The following PTPN14 variants were observed in gnomAD, a reference collection of about 807,000 sequenced individuals.
PTPN14 encodes protein tyrosine phosphatase non-receptor type 14, also known as tyrosine-protein phosphatase non-receptor type 14.
Under a neutral mutation model 126.8 loss-of-function variants are expected in PTPN14, and 53 were observed. The ratio of observed to expected loss-of-function variants is 0.42; its 90% CI spans 0.34 to 0.53. The LOEUF is 0.53. Among genes scored for constraint, PTPN14 ranks in the 20% least tolerant of loss-of-function variants. PTPN14 has a pLI of 0.08. For missense variants in PTPN14, 1,257 were observed against 1,552.9 expected (o/e 0.81, Z 3.20); for synonymous variants, 630 against 599.3 (o/e 1.05, Z -0.75).
rs978171951 is a variant in PTPN14 at position 214,427,051 on chromosome 1, C to G, written c.345-12325G>C. Among the ~76,000 whole-genome samples, 3 of 152,124 alleles carry G rather than the reference C, an allele frequency of 2.0e-5. No homozygotes were observed. The East Asian group carries it at 5.8e-4, about 29-fold the overall frequency. On this transcript the variant is annotated intron_variant, in intron 3 of 18. Coordinates refer to ENST00000366956, the MANE Select transcript of PTPN14 (RefSeq NM_005401.5). ...ATCCCAGCACTTTGTGGGGCCGAGGCGGGCGGATCACAAGGTCAGGAGATC... is the reference window on the plus strand; with the variant it reads ...ATCCCAGCACTTTGTGGGGCCGAGGGGGGCGGATCACAAGGTCAGGAGATC...
At chr1:214,430,210 C>T (rs559536964) in intron 3 of PTPN14, among the ~76,000 whole-genome samples, 3 of 152,176 alleles carry the variant, frequency 2.0e-5, no homozygotes, top group Admixed American at 6.5e-5. Context: ...ACTTTCCGCT[C>T]ATCCATCAGT....
rs541406688 is a variant in PTPN14 at position 214,369,403 on chromosome 1, T to C, written c.3271+54A>G. The C allele has an allele frequency of 2.0e-5, 30 of 1,514,584 alleles. No individual in the cohort carries two copies. In the East Asian group the frequency reaches 6.6e-4, roughly 33 times the overall value. The allele number at this position is 1,514,584 out of a possible 1,614,324, so 93.8% of individuals were successfully genotyped here. A position where few individuals can be genotyped will look rare whatever the true frequency, so the allele number is the denominator to read the frequency against. ...ATTTCATCTCCAACAGATGAATTAT[T>C]GACACAGATCATAAAAGTCAGTCAG... On this transcript the variant is annotated intron_variant, in intron 17 of 18. Coordinates refer to ENST00000366956, the MANE Select transcript of PTPN14 (RefSeq NM_005401.5).
chr1:214,358,145 C>T, intron 18 of PTPN14, 95 bp from the exon 19 acceptor site: 1 of 1,459,476 alleles, frequency 6.9e-7, no homozygotes, highest in South Asian at 1.4e-5. Context: ...CACCCACTGC[C>T]CATGTCCAGG....
rs1408357468 is a variant in PTPN14, at chr1:214,444,949, A to C, written c.344+6856T>G. The stretch of plus-strand genomic sequence containing the variant: ...TGCACTTACCCTCTTTCTGGTACCT[A>C]AACAGCACAGCTTTAAATGTGGGTA... On this transcript the variant is annotated intron_variant, in intron 3 of 18. Coordinates refer to ENST00000366956, the MANE Select transcript of PTPN14 (RefSeq NM_005401.5). Among the ~76,000 whole-genome samples, 32 of 152,220 alleles carry C rather than the reference A, an allele frequency of 2.1e-4. 1 individual carries two copies. The highest frequency in any genetic ancestry group is 2.1e-3 in the Admixed American group (32 of 15,282).
intron 18 of PTPN14, among the ~76,000 whole-genome samples, chr1:214,359,060 A>C (rs569768997): frequency 1.3e-5 from 2 of 152,000 alleles, no homozygotes; most frequent in African/African-American, 2.4e-5. Flanking sequence ...TTCCTTTATT[A>C]ACATTAATAA....
At position 214,526,863 on chromosome 1, in the gene PTPN14, G is replaced by C. The variant is rs368990919; in HGVS notation, c.-155+24320C>G. Reference sequence around the variant, plus strand: ...TCCCAGCACTTTCGGAGGCCAACGCGGGGGGATCACCTGAGGTTGGTAGTT... The same window carrying C: ...TCCCAGCACTTTCGGAGGCCAACGCCGGGGGATCACCTGAGGTTGGTAGTT... On this transcript the variant is annotated intron_variant, in intron 1 of 18. Coordinates refer to ENST00000366956, the MANE Select transcript of PTPN14 (RefSeq NM_005401.5). Among the ~76,000 whole-genome samples the C allele has an allele frequency of 1.1e-4, 17 of 152,236 alleles. No homozygotes were observed. In the East Asian group the frequency reaches 2.3e-3, roughly 21 times the overall value.
chr1:214,484,883 A>C (rs1337992933), intron 1 of PTPN14, among the ~76,000 whole-genome samples: 1 of 152,246 alleles, frequency 6.6e-6, no homozygotes, highest in Non-Finnish European at 1.5e-5. Flanking sequence ...GACAATGTGG[A>C]AAGTTATACA....
chr1:214,485,075 CG>C (rs972408772), intron 1 of PTPN14, among the ~76,000 whole-genome samples: 8 of 152,156 alleles, frequency 5.3e-5, no homozygotes, highest in African/African-American at 1.9e-4. Context: ...TTATTCATAT[CG>C]AATAGAAAGC....
At chr1:214,532,878 C>T in intron 1 of PTPN14, 1 of 1,038,266 alleles carries the variant, frequency 9.6e-7, no homozygotes, top group Non-Finnish European at 1.5e-6. Context: ...CTGGGTTGAC[C>T]ATGGAGGTTG....
At chr1:214,410,331 T>G (rs532406673) in intron 5 of PTPN14, among the ~76,000 whole-genome samples, 1 of 151,756 alleles carries the variant, frequency 6.6e-6, no homozygotes, top group Non-Finnish European at 1.5e-5. Flanking sequence ...AGTCTTGCTT[T>G]GTGGCCAGGC....
At chr1:214,474,054 G>A (rs1660816304) in intron 1 of PTPN14, among the ~76,000 whole-genome samples, 1 of 152,170 alleles carries the variant, frequency 6.6e-6, no homozygotes, top group Admixed American at 6.5e-5. Flanking sequence ...TGGTGAGATG[G>A]AAACTTGTCC....
chr1:214,378,081 C>A lies in PTPN14; in HGVS notation c.2566G>T (p.Ala856Ser). The A allele has an allele frequency of 1.2e-6, 2 of 1,610,090 alleles. No individual in the cohort carries two copies. The highest frequency in any genetic ancestry group is 1.7e-6 in the Non-Finnish European group (2 of 1,179,424). ...MIRNLEKQKM[A>S]GLEAQKRPLM... ...GGCCTCTTCTGTGCCTCCAGGCCTG[C>A]CATCTTCTGCTTCTCTAGATTCTTG... Residue 856 changes from alanine to serine, a missense_variant, in exon 14 of 19, where the codon GCA becomes TCA. This residue lies in a region of PTPN14 where 1,021 missense variants were observed against 1,183.3 expected (regional missense o/e 0.86). Coordinates refer to ENST00000366956, the MANE Select transcript of PTPN14 (RefSeq NM_005401.5).
intron 1 of PTPN14, among the ~76,000 whole-genome samples, chr1:214,519,084 C>G (rs970340543): frequency 2.0e-5 from 3 of 152,070 alleles, no homozygotes; most frequent in Non-Finnish European, 4.4e-5. Flanking sequence ...GCCTGGCCAA[C>G]ATGGTGAAAC....
intron 18 of PTPN14, among the ~76,000 whole-genome samples, chr1:214,362,225 G>A (rs760234324): frequency 4.6e-5 from 7 of 152,162 alleles, no homozygotes; most frequent in South Asian, 2.1e-4. Flanking sequence ...ATTTCTCCCC[G>A]CTAACCATCT....
In PTPN14 at chr1:214,364,177, C is replaced by T. The variant is rs2102509530; in HGVS notation, c.3435+335G>A. 6.6e-6 allele frequency among the ~76,000 whole-genome samples: 1 copy of T among 152,254 alleles called. No homozygotes were observed. The highest frequency in any genetic ancestry group is 1.9e-4 in the East Asian group (1 of 5,170). ...AACTATATGGGGTCAAATAACTCACCATGGAAAATTACCCACAATAAAACC... is the reference window on the plus strand; with the variant it reads ...AACTATATGGGGTCAAATAACTCACTATGGAAAATTACCCACAATAAAACC... On this transcript the variant is annotated intron_variant, in intron 18 of 18. Transcript: ENST00000366956. This position sits in a 1 kb window ranked among gnomAD's most constrained non-coding sequence, Gnocchi z 4.1.
intron 11 of PTPN14, 132 bp downstream of exon 11, chr1:214,390,856 G>A (rs1658733486): frequency 1.5e-6 from 1 of 665,574 alleles, no homozygotes; most frequent in South Asian, 4.1e-5. Flanking sequence ...GCATCTGCTT[G>A]ACAGAATGAC....
chr1:214,392,555 A>G (rs1658780867), intron 10 of PTPN14, among the ~76,000 whole-genome samples: 1 of 152,156 alleles, frequency 6.6e-6, no homozygotes, highest in Admixed American at 6.5e-5. Flanking sequence ...CAGAAGTCAA[A>G]GGCAACAGCA....
At chr1:214,513,521 C>A (rs1462181412) in intron 1 of PTPN14, among the ~76,000 whole-genome samples, 3 of 152,128 alleles carry the variant, frequency 2.0e-5, no homozygotes, top group Admixed American at 6.5e-5. Context: ...TGACTACCCT[C>A]ATTGACAGGG....
intron 16 of PTPN14, chr1:214,372,453 G>A (rs967534974): frequency 1.1e-5 from 5 of 454,850 alleles, no homozygotes; most frequent in African/African-American, 2.0e-5. Flanking sequence ...TTTCAGTTTA[G>A]TGCATTACAA....
Sources: gnomAD v4.1 joint callset for allele counts (sites outside exome capture counted in the v4.1 genomes callset) on GRCh38, gnomAD v4.1.1 for gene constraint, gnomAD v4.1.1 regional missense constraint, Gnocchi (gnomAD v3.1) non-coding constraint, MANE v1.5 for transcripts, NCBI Gene and HGNC (gene_info 2026-07-23, HGNC 2026-07-21) for gene names.